The following AARS1 variants were observed in gnomAD, a reference collection of about 807,000 sequenced individuals.
The protein encoded by AARS1 is alanine--tRNA ligase, cytoplasmic.
AARS1 carries 72 observed loss-of-function variants against 108.9 expected under a neutral mutation model. The ratio of observed to expected loss-of-function variants is 0.66; its 90% confidence interval spans 0.55 to 0.80. AARS1 has a LOEUF of 0.80. Among genes scored for constraint, AARS1 ranks in the 30% least tolerant of loss-of-function variants. The pLI, the probability that AARS1 is intolerant of heterozygous loss-of-function variation, is 0.00. For synonymous variants in AARS1, 489 were observed against 465.7 expected (o/e 1.05, Z -0.64); for missense variants, 1,193 against 1,233.2 (o/e 0.97, Z 0.49).
intron 1 of AARS1, among the ~76,000 whole-genome samples, chr16:70,288,519 C>T (rs1180131909): frequency 6.6e-6 from 1 of 151,894 alleles, no homozygotes; most frequent in Non-Finnish European, 1.5e-5. Context: ...GCGCCTCCCC[C>T]ATCAGGCTGT....
intron 13 of AARS1, among the ~76,000 whole-genome samples, chr16:70,259,776 C>T (rs1960089125): frequency 6.7e-6 from 1 of 148,804 alleles, no homozygotes; most frequent in Non-Finnish European, 1.5e-5. Flanking sequence ...TTTTTATAAA[C>T]AGTTTTTTTT....
In AARS1 at chr16:70,254,026, C is replaced by T; in HGVS notation, c.2413G>A (p.Ala805Thr). Residue 805 changes from alanine to threonine, a missense_variant, in exon 18 of 21, where the codon GCA (alanine) becomes ACA (threonine). Transcript: ENST00000261772. ...TCCTTCTGCCACTGGGGGATGACTG[C>T]AGTGGCCAGGGCCTGGAACCAATAG... is the stretch of plus-strand genomic sequence containing the variant. ...IADLGEALAT[A>T]VIPQWQKDEL... 6.2e-7 allele frequency: 1 copy of T among 1,614,114 alleles called. No homozygotes were observed. Among genetic ancestry groups the T allele is most frequent in the South Asian group, 1.1e-5 (1 of 91,084 alleles).
intron 1 of AARS1, among the ~76,000 whole-genome samples, chr16:70,283,413 A>AG (rs1960756345): frequency 6.6e-6 from 1 of 151,316 alleles, no homozygotes; most frequent in Non-Finnish European, 1.5e-5. Flanking sequence ...CAAAAAAAGA[A>AG]GGAAAAAAAA....
At chr16:70,257,993 G>A (rs1442768494) in intron 15 of AARS1, 40 bp downstream of exon 15, 1 of 1,607,748 alleles carries the variant, frequency 6.2e-7, no homozygotes, top group Non-Finnish European at 8.5e-7. Context: ...AGAGGATGAA[G>A]GTAGATGACC....
At chr16:70,263,178 G>A (rs1226343567) in intron 11 of AARS1, among the ~76,000 whole-genome samples, 1 of 151,930 alleles carries the variant, frequency 6.6e-6, no homozygotes, top group African/African-American at 2.4e-5. Flanking sequence ...TGGTGCATCA[G>A]ATTAGTAGAT....
At chr16:70,283,324 G>A (rs1032042776) in intron 1 of AARS1, among the ~76,000 whole-genome samples, 46 of 151,972 alleles carry the variant, frequency 3.0e-4, no homozygotes, top group African/African-American at 1.1e-3. Flanking sequence ...TTGAACCCAG[G>A]AGGTGGAGGT....
intron 9 of AARS1, 25 bp from the exon 10 acceptor site, chr16:70,265,687 C>A (rs1960244837): frequency 6.2e-7 from 1 of 1,609,206 alleles, no homozygotes; most frequent in South Asian, 1.1e-5. Flanking sequence ...GGAGGTGTGT[C>A]AAAAAAAACA....
Position 70,265,029 on chromosome 16 carries a change from C to G in AARS1, c.1421G>C (p.Arg474Pro). 1 of 1,614,112 alleles carries G rather than the reference C, an allele frequency of 6.2e-7. No homozygotes were observed. Among genetic ancestry groups the G allele is most frequent in the Non-Finnish European group, 8.5e-7 (1 of 1,180,022 alleles). Residue 474 changes from arginine (R) to proline (P), a missense_variant, in exon 11 of 21, where the codon CGG becomes CCG. Transcript: ENST00000261772. ...ATCTGTGACCTCCAGACCCCGTGCC[C>G]GGAGCTCTTCGATAGCGTAAATGTC... Reference protein sequence around the residue: ...MLDIYAIEELRARGLEVTDDS... With the variant: ...MLDIYAIEELPARGLEVTDDS...
At chr16:70,259,229 TG>T in intron 13 of AARS1, 43 bp from the exon 14 acceptor site, 2 of 1,576,992 alleles carry the variant, frequency 1.3e-6, no homozygotes, top group Non-Finnish European at 1.7e-6. Flanking sequence ...TGTAATAGAC[TG>T]CTAGTTATCT....
chr16:70,269,643 C>A lies in AARS1; in HGVS notation c.937G>T (p.Gly313Cys), dbSNP rs141331431. 3 of 1,614,032 alleles carry A rather than the reference C, an allele frequency of 1.9e-6. No individual in the cohort carries two copies. In the African/African-American group the frequency reaches 4.0e-5, roughly 22 times the overall value. The change falls in exon 7 of 21, where the codon GGC (glycine) becomes TGC (cysteine). Residue 313 changes from glycine (G) to cysteine (C), a missense_variant. By Grantham distance (159) the Gly-to-Cys change is radical (BLOSUM62 -3). Transcript: ENST00000261772. ...CCACGCCCTGTGTTGTCAGGCCGGC[C>A]ACCATCAGCCAGTGCCACAGTGATG... ...RTITVALADGGRPDNTGRGYV... is the reference protein window; with the variant it reads ...RTITVALADGCRPDNTGRGYV...
intron 1 of AARS1, among the ~76,000 whole-genome samples, chr16:70,285,738 C>A (rs1168829319): frequency 6.6e-6 from 1 of 152,192 alleles, no homozygotes; most frequent in Non-Finnish European, 1.5e-5. Flanking sequence ...CATGAGCCAC[C>A]GCGCCCAGCT....
chr16:70,254,796 T>C (rs1959938225), intron 16 of AARS1, 62 bp from the exon 17 acceptor site: 3 of 1,163,518 alleles, frequency 2.6e-6, no homozygotes, highest in Admixed American at 1.8e-5. Context: ...CTATCCTGTG[T>C]CTGAGCAGCT....
At chr16:70,275,488 C>A (rs992504710) in intron 4 of AARS1, among the ~76,000 whole-genome samples, 22 of 151,856 alleles carry the variant, frequency 1.4e-4, no homozygotes, top group Non-Finnish European at 2.9e-4. Flanking sequence ...ATTGGCCGGG[C>A]ATGGTTCCTC....
intron 4 of AARS1, among the ~76,000 whole-genome samples, chr16:70,272,950 A>G (rs940470116): frequency 6.8e-6 from 1 of 147,320 alleles, no homozygotes; most frequent in African/African-American, 2.6e-5. Flanking sequence ...TTATCTTTTA[A>G]AAGCTACACT....
rs1960553997 is a variant in AARS1 at position 70,276,488 on chromosome 16, C to T, written c.477G>A (p.Leu159=). 1.2e-6 allele frequency: 2 copies of T among 1,613,990 alleles called. No individual in the cohort carries two copies. Among genetic ancestry groups the T allele is most frequent in the African/African-American group, 1.3e-5 (1 of 75,034 alleles). The change falls in exon 4 of 21, where the codon TTG becomes TTA. Residue 159 remains leucine (L), a splice_region_variant and synonymous_variant. Transcript: ENST00000261772. ...CAAGAAGTGATGTGCATTCTTACCC[C>T]AAATTTTGCCAGATCTGTTTGCATT... ...DLECKQIWQN[L]GLDDTKILPG... is the part of the protein sequence containing the mutation.
In AARS1 at chr16:70,265,680, G is replaced by T; in HGVS notation, c.1223-18C>A. 6.2e-7 allele frequency: 1 copy of T among 1,611,844 alleles called. No homozygotes were observed. The highest frequency in any genetic ancestry group is 8.5e-7 in the Non-Finnish European group (1 of 1,178,764). On this transcript the variant is annotated intron_variant, in intron 9 of 20. Coordinates refer to ENST00000261772, the MANE Select transcript of AARS1 (RefSeq NM_001605.3). ...AGTGTCTCCTACACAGCACAAAGGA[G>T]GTGTGTCAAAAAAAACAGACAGCCC...
At position 70,253,971 on chromosome 16, in the gene AARS1, T is replaced by C; in HGVS notation, c.2468A>G (p.Lys823Arg). ...TCGGTCCAAGTCATCCATGACCTTC[T>C]TTAGGGATTTGAGAGTCTCCCGCAA... is the stretch of plus-strand genomic sequence containing the variant. ...DELRETLKSL[K>R]KVMDDLDRAS... Residue 823 changes from lysine (K) to arginine (R), a missense_variant, in exon 18 of 21, where the codon AAG (lysine) becomes AGG (arginine). By Grantham distance (26) the Lys-to-Arg change is conservative (BLOSUM62 2). Coordinates refer to ENST00000261772, the MANE Select transcript of AARS1 (RefSeq NM_001605.3). The C allele has an allele frequency of 6.2e-7, 1 of 1,614,190 alleles. No individual in the cohort carries two copies. Among genetic ancestry groups the C allele is most frequent in the South Asian group, 1.1e-5 (1 of 91,088 alleles).
At chr16:70,281,918 G>A (rs554295627) in intron 2 of AARS1, among the ~76,000 whole-genome samples, 109 of 152,122 alleles carry the variant, frequency 7.2e-4, no homozygotes, top group Admixed American at 1.8e-3. Flanking sequence ...TTGAGAGGCC[G>A]AGGCGGATGG....
At position 70,262,376 on chromosome 16, in the gene AARS1, G is replaced by A; in HGVS notation, c.1641C>T (p.Tyr547=). The A allele has an allele frequency of 3.1e-6, 5 of 1,614,172 alleles. No individual in the cohort carries two copies. Among genetic ancestry groups the A allele is most frequent in the Non-Finnish European group, 4.2e-6 (5 of 1,180,024 alleles). ...EQGGQIYDEG[Y]LVKVDDSSED... Reference sequence around the variant, plus strand: ...CACTGCTGTCATCCACCTTCACCAGGTAGCCTTCGTCATAGATCTGGCCTC... The same window carrying A: ...CACTGCTGTCATCCACCTTCACCAGATAGCCTTCGTCATAGATCTGGCCTC... Residue 547 remains tyrosine (Y), a synonymous_variant, in exon 12 of 21, where the codon TAC becomes TAT. Transcript: ENST00000261772.
Sources: allele counts gnomAD v4.1 joint callset (sites outside exome capture counted in the v4.1 genomes callset), GRCh38; gene constraint gnomAD v4.1.1; transcripts MANE v1.5; gene names NCBI Gene and HGNC (gene_info 2026-07-23, HGNC 2026-07-21).